PARD3: variants seen among roughly 807,000 people sequenced by gnomAD.
PARD3 encodes par-3 family cell polarity regulator.
A neutral mutation model predicts 155.4 loss-of-function variants in PARD3; 75 were observed. That is an observed-to-expected ratio of 0.48 (90% CI 0.40 to 0.58). The LOEUF (loss-of-function observed/expected upper bound fraction) is 0.58, where lower values mean the gene tolerates loss of function less well. Ranked by LOEUF, PARD3 falls within the 20% of genes least tolerant of loss-of-function variation. PARD3 has a pLI of 0.00. For synonymous variants in PARD3, 576 were observed against 610.5 expected (o/e 0.94, Z 0.83); for missense variants, 1,642 against 1,721.7 (o/e 0.95, Z 0.82).
intron 18 of PARD3, among the ~76,000 whole-genome samples, chr10:34,332,380 T>C (rs1398014765): frequency 6.6e-6 from 1 of 152,136 alleles, no homozygotes; most frequent in Non-Finnish European, 1.5e-5. Context: ...ATCCAGGTTA[T>C]AGAACTGGTT....
intron 2 of PARD3, among the ~76,000 whole-genome samples, chr10:34,609,935 TG>T (rs1053293625): frequency 7.9e-5 from 12 of 152,204 alleles, no homozygotes; most frequent in African/African-American, 2.4e-4. Flanking sequence ...TCAGAAAGGC[TG>T]GGAAACCTTC....
chr10:34,795,215 T>C (rs1588787966), intron 1 of PARD3, among the ~76,000 whole-genome samples: 2 of 152,340 alleles, frequency 1.3e-5, no homozygotes, highest in South Asian at 4.1e-4. Context: ...TGAGGGTTGC[T>C]TGCACTGAAG....
intron 2 of PARD3, among the ~76,000 whole-genome samples, chr10:34,642,166 C>G (rs1040029370): frequency 6.6e-6 from 1 of 152,020 alleles, no homozygotes; most frequent in African/African-American, 2.4e-5. Context: ...GGCTCATGGC[C>G]CCCATGCACA....
intron 3 of PARD3, among the ~76,000 whole-genome samples, chr10:34,487,983 G>A (rs1462393445): frequency 6.6e-6 from 1 of 152,162 alleles, no homozygotes; most frequent in Non-Finnish European, 1.5e-5. Context: ...AGCAGTAACT[G>A]TCAAGCATTA....
At position 34,111,222 on chromosome 10, in the gene PARD3, C is replaced by G. The variant is rs756860827; in HGVS notation, c.4009G>C (p.Ala1337Pro). ...QDVPPSPSQV[A>P]RLNRLQTPEK... ...GGAGTCTGAAGTCTGTTCAGCCTCG[C>G]AACCTGAGAAGGGGAGGGGGGCACA... The change falls in exon 25 of 25, where the codon GCG becomes CCG. Residue 1337 changes from alanine (A) to proline (P), a missense_variant. Physicochemically the swap from Ala to Pro is conservative, Grantham distance 27. Transcript: ENST00000374788. 6.2e-7 allele frequency: 1 copy of G among 1,607,272 alleles called. No homozygotes were observed. The highest frequency in any genetic ancestry group is 1.3e-5 in the African/African-American group (1 of 74,872).
intron 1 of PARD3, among the ~76,000 whole-genome samples, chr10:34,722,004 C>T (rs533012913): frequency 2.8e-4 from 43 of 151,968 alleles, no homozygotes; most frequent in Non-Finnish European, 5.1e-4. Context: ...ATGGTGAGAT[C>T]CCATCTCTAA....
chr10:34,341,216 C>T (rs1319655750), intron 16 of PARD3, among the ~76,000 whole-genome samples: 2 of 150,518 alleles, frequency 1.3e-5, no homozygotes, highest in East Asian at 3.9e-4. Flanking sequence ...TAAAAAAAGC[C>T]TCCTCCCACT....
chr10:34,376,282 C>A (rs552719793), intron 10 of PARD3, among the ~76,000 whole-genome samples: 15 of 152,258 alleles, frequency 9.9e-5, no homozygotes, highest in Middle Eastern at 3.4e-3. Flanking sequence ...GGTTGCAGGT[C>A]TTTCTCACTG....
chr10:34,640,708 C>CTAAAAAAAAAAAAAA (rs2092646617), intron 2 of PARD3, among the ~76,000 whole-genome samples: 1 of 24,020 alleles, frequency 4.2e-5, no homozygotes, highest in Admixed American at 1.0e-3. Flanking sequence ...GACTCCATCT[C>CTAAAAAAAAAAAAAA]AAAAAAAAAA....
At chr10:34,546,060 T>C (rs991410140) in intron 2 of PARD3, among the ~76,000 whole-genome samples, 3 of 152,210 alleles carry the variant, frequency 2.0e-5, no homozygotes, top group Middle Eastern at 3.2e-3. Flanking sequence ...AGTATACTTA[T>C]AATAAAATGA....
intron 1 of PARD3, among the ~76,000 whole-genome samples, chr10:34,808,144 T>G (rs970941568): frequency 7.9e-5 from 12 of 151,586 alleles, no homozygotes; most frequent in Admixed American, 7.9e-4. Flanking sequence ...CGAGATGCCG[T>G]CTCTACAAAA....
At chr10:34,551,667 C>T (rs1427921891) in intron 2 of PARD3, among the ~76,000 whole-genome samples, 1 of 152,148 alleles carries the variant, frequency 6.6e-6, no homozygotes, top group Non-Finnish European at 1.5e-5. Context: ...AAGGTTTCCC[C>T]AGCAATTAAG....
chr10:34,434,424 C>T (rs1371745591), intron 5 of PARD3, among the ~76,000 whole-genome samples: 2 of 152,226 alleles, frequency 1.3e-5, no homozygotes, highest in Non-Finnish European at 2.9e-5. Context: ...GATTATGAAG[C>T]TTGCTCTGAC....
chr10:34,359,763 G>C (rs1251302027), intron 13 of PARD3, among the ~76,000 whole-genome samples: 2 of 152,094 alleles, frequency 1.3e-5, no homozygotes, highest in Admixed American at 1.3e-4. Context: ...GGAGGGGAGG[G>C]GAAAGATTAA....
intron 22 of PARD3, among the ~76,000 whole-genome samples, chr10:34,154,594 G>A (rs1036801625): frequency 1.3e-5 from 2 of 152,138 alleles, no homozygotes; most frequent in African/African-American, 2.4e-5. Flanking sequence ...GAATATCTAG[G>A]TCATACTTGC....
rs1282444760 is a variant in PARD3, at chr10:34,619,223, G to GT, written c.222+77094dup. 2.0e-5 allele frequency among the ~76,000 whole-genome samples: 3 copies of GT among 152,026 alleles called. No individual in the cohort carries two copies. The East Asian group carries it at 5.8e-4, about 29-fold the overall frequency. ...GCACCACCACGCCTGGCTAAATTTTGTATTTTTGGTAGAGACGGGGTTTCA... is the reference window on the plus strand; with the variant it reads ...GCACCACCACGCCTGGCTAAATTTTGTTATTTTTGGTAGAGACGGGGTTTCA... On this transcript the variant is annotated intron_variant, in intron 2 of 24. Transcript: ENST00000374788.
At chr10:34,130,101 T>C (rs1947526163) in intron 23 of PARD3, among the ~76,000 whole-genome samples, 1 of 152,170 alleles carries the variant, frequency 6.6e-6, no homozygotes, top group Non-Finnish European at 1.5e-5. Flanking sequence ...CTTCTGTAAC[T>C]CACGTGCAAA....
chr10:34,579,568 G>GTGTGTGTGTGTGTA (rs1232220288), intron 2 of PARD3, among the ~76,000 whole-genome samples: 5 of 136,538 alleles, frequency 3.7e-5, no homozygotes, highest in Non-Finnish European at 7.6e-5. Context: ...GTGTGTGTGT[G>GTGTGTGTGTGTGTA]TGTGTGTGTG....
intron 2 of PARD3, among the ~76,000 whole-genome samples, chr10:34,634,279 G>A (rs1438059830): frequency 7.2e-5 from 11 of 152,128 alleles, no homozygotes; most frequent in Admixed American, 6.5e-5. Flanking sequence ...TTGCTGATGC[G>A]GAAACTTATC....
Sources: allele counts gnomAD v4.1 joint callset (sites outside exome capture counted in the v4.1 genomes callset), GRCh38; gene constraint gnomAD v4.1.1; transcripts MANE v1.5; gene names NCBI Gene and HGNC (gene_info 2026-07-23, HGNC 2026-07-21).